Variants in MAGI2 observed in about 807,000 individuals in gnomAD.
MAGI2 encodes the protein membrane associated guanylate kinase, WW and PDZ domain containing 2, also known as membrane-associated guanylate kinase, WW and PDZ domain-containing protein 2.
In MAGI2, 35 loss-of-function variants were observed where a neutral mutation model predicts 133.3. The ratio of observed to expected loss-of-function variants is 0.26; its 90% confidence interval spans 0.20 to 0.35. The LOEUF is 0.35. Ranked by LOEUF, MAGI2 falls within the 10% of genes least tolerant of loss-of-function variation. The probability of loss-of-function intolerance (pLI) is 1.00; values close to 1 mark genes in which losing one functional copy is unlikely to be tolerated. For synonymous variants in MAGI2, 729 were observed against 710.6 expected, an observed-to-expected ratio of 1.03 and a Z score of -0.41; for missense variants, 1,636 against 1,863.4, an observed-to-expected ratio of 0.88 and a Z score of 2.25.
chr7:78,714,893 T>C (rs898221712), intron 2 of MAGI2, among the ~76,000 whole-genome samples: 2 of 152,198 alleles, frequency 1.3e-5, no homozygotes, highest in Non-Finnish European at 2.9e-5. Context: ...TTTGATTAAA[T>C]TGCTTTGAAT....
At chr7:79,125,038 A>G (rs1242628428) in intron 1 of MAGI2, 1 of 224,824 alleles carries the variant, frequency 4.4e-6, no homozygotes, top group Admixed American at 5.0e-5. Context: ...TACCCACCCA[A>G]CTGTGAAAAA....
chr7:78,964,726 T>C (rs1319743438), intron 2 of MAGI2, among the ~76,000 whole-genome samples: 1 of 152,014 alleles, frequency 6.6e-6, no homozygotes, highest in African/African-American at 2.4e-5. Context: ...GAGTAAAAAT[T>C]ACAATAGGAA....
At chr7:79,245,845 G>A (rs144510062) in intron 1 of MAGI2, among the ~76,000 whole-genome samples, 2 of 152,310 alleles carry the variant, frequency 1.3e-5, no homozygotes, top group East Asian at 1.9e-4. Context: ...CTGGCTTCAG[G>A]TGTGGCCCAG....
intron 1 of MAGI2, among the ~76,000 whole-genome samples, chr7:79,073,579 C>T (rs1815191505): frequency 6.6e-6 from 1 of 152,088 alleles, no homozygotes; most frequent in South Asian, 2.1e-4. Context: ...TTTACAAGGA[C>T]TACTGCAGAA....
At chr7:78,270,164 T>C (rs924972806) in intron 9 of MAGI2, among the ~76,000 whole-genome samples, 1 of 152,198 alleles carries the variant, frequency 6.6e-6, no homozygotes, top group African/African-American at 2.4e-5. Flanking sequence ...TTTGTGTTAA[T>C]GTAGCCTTGT....
chr7:78,127,476 A>C (rs1821109672), intron 18 of MAGI2, 60 bp from the exon 19 acceptor site: 1 of 1,343,462 alleles, frequency 7.4e-7, no homozygotes, highest in Non-Finnish European at 1.0e-6. Context: ...GGCTAGAGTG[A>C]TCACACGGCC....
At chr7:78,463,818 C>T (rs1172165416) in intron 6 of MAGI2, among the ~76,000 whole-genome samples, 1 of 151,966 alleles carries the variant, frequency 6.6e-6, no homozygotes, top group African/African-American at 2.4e-5. Flanking sequence ...GGATTTGTTG[C>T]ATAATATAGC....
chr7:79,137,638 A>C (rs1207468130), intron 1 of MAGI2, among the ~76,000 whole-genome samples: 1 of 151,614 alleles, frequency 6.6e-6, no homozygotes, highest in Non-Finnish European at 1.5e-5. Context: ...TTTTCAGTAG[A>C]GACGGGGTTT....
intron 6 of MAGI2, among the ~76,000 whole-genome samples, chr7:78,402,334 ATGTGTG>A (rs1166777366): frequency 2.8e-5 from 1 of 36,018 alleles, no homozygotes; most frequent in African/African-American, 1.4e-4. Context: ...TAGGGTGTGT[ATGTGTG>A]TGTGTCCACC....
chr7:78,750,594 G>C (rs1271576377), intron 2 of MAGI2, among the ~76,000 whole-genome samples: 4 of 152,078 alleles, frequency 2.6e-5, no homozygotes, highest in Non-Finnish European at 4.4e-5. Context: ...ATTCTAGTAG[G>C]GGGAGTCAGA....
chr7:78,785,120 G>T (rs564617567), intron 2 of MAGI2, among the ~76,000 whole-genome samples: 1 of 152,042 alleles, frequency 6.6e-6, no homozygotes, highest in Non-Finnish European at 1.5e-5. Flanking sequence ...AAACAATAAA[G>T]TTATCACCCT....
At chr7:79,014,917 A>G (rs573056318) in intron 1 of MAGI2, among the ~76,000 whole-genome samples, 3 of 152,316 alleles carry the variant, frequency 2.0e-5, no homozygotes, top group African/African-American at 4.8e-5. Context: ...AATGATAAAA[A>G]TATCACAATT....
In MAGI2 at chr7:79,193,152, G is replaced by A. The variant is rs1337485032; in HGVS notation, c.302-185946C>T. Among the ~76,000 whole-genome samples the A allele has an allele frequency of 2.6e-5, 4 of 151,896 alleles. No homozygotes were observed. The East Asian group carries it at 5.8e-4, about 22-fold the overall frequency. On this transcript the variant is annotated intron_variant, in intron 1 of 21. Coordinates refer to ENST00000354212, the MANE Select transcript of MAGI2 (RefSeq NM_012301.4). ...CCAGATAGGACACACTTTCCATAAG[G>A]ACCAGAACTTGCTTTGAATGCAGAA... is the stretch of plus-strand genomic sequence containing the variant.
At chr7:78,179,937 T>C (rs886098060) in intron 13 of MAGI2, among the ~76,000 whole-genome samples, 1 of 152,148 alleles carries the variant, frequency 6.6e-6, no homozygotes, top group Non-Finnish European at 1.5e-5. Flanking sequence ...TGGAGGCAGA[T>C]GGAGTAGAGC....
intron 6 of MAGI2, among the ~76,000 whole-genome samples, chr7:78,433,119 G>C (rs1303615190): frequency 6.6e-6 from 1 of 151,990 alleles, no homozygotes; most frequent in East Asian, 1.9e-4. Context: ...AAAGTCCAAA[G>C]TTTTTCTCTC....
intron 1 of MAGI2, among the ~76,000 whole-genome samples, chr7:79,308,441 A>G (rs765943089): frequency 6.6e-6 from 1 of 152,192 alleles, no homozygotes; most frequent in Non-Finnish European, 1.5e-5. Flanking sequence ...CGAGTTCAAT[A>G]GTGCAATAAA....
At chr7:79,253,014 A>G (rs945953576) in intron 1 of MAGI2, among the ~76,000 whole-genome samples, 8 of 152,174 alleles carry the variant, frequency 5.3e-5, no homozygotes, top group African/African-American at 1.9e-4. Flanking sequence ...TTTGCATGTG[A>G]ATAAATTCAT....
At chr7:78,509,840 C>T (rs1171449104) in intron 4 of MAGI2, among the ~76,000 whole-genome samples, 2 of 152,100 alleles carry the variant, frequency 1.3e-5, no homozygotes, top group South Asian at 4.1e-4. Context: ...TAACATGCAG[C>T]TTTCTGTAAC....
rs34162021 is a variant in MAGI2, at chr7:78,266,584, C to CT, written c.1409-10004dup. On this transcript the variant is annotated intron_variant, in intron 9 of 21. Transcript: ENST00000354212. Reference sequence around the variant, plus strand: ...GACGTAGAAGAGGGGGAAAAAATCCCTTTTTTTTTTTGAGACAGAGTCTTG... The same window carrying CT: ...GACGTAGAAGAGGGGGAAAAAATCCCTTTTTTTTTTTTGAGACAGAGTCTTG... 4.1e-3 allele frequency among the ~76,000 whole-genome samples: 598 copies of CT among 146,440 alleles called. 4 individuals carry two copies. The highest frequency in any genetic ancestry group is 0.012 in the African/African-American group (481 of 39,852).
Sources: gnomAD v4.1 joint callset for allele counts (sites outside exome capture counted in the v4.1 genomes callset) on GRCh38, gnomAD v4.1.1 for gene constraint, MANE v1.5 for transcripts, NCBI Gene and HGNC (gene_info 2026-07-23, HGNC 2026-07-21) for gene names.